Variants in PSMA1 observed in about 807,000 individuals in gnomAD.
PSMA1 encodes proteasome 20S subunit alpha 1, also known as proteasome subunit alpha type-1.
A neutral mutation model predicts 38.4 loss-of-function variants in PSMA1; 3 were observed. That is an observed-to-expected ratio of 0.08 (90% CI 0.04 to 0.20). The LOEUF (loss-of-function observed/expected upper bound fraction) is 0.20. PSMA1 is among the 10% of genes least tolerant of loss of function. PSMA1 has a pLI of 1.00. For synonymous variants in PSMA1, 101 were observed against 107.1 expected, an observed-to-expected ratio of 0.94 and a Z score of 0.35; for missense variants, 227 against 325.3, an observed-to-expected ratio of 0.70 and a Z score of 2.32.
chr11:14,572,230 C>A (rs548169408), intron 2 of PSMA1, among the ~76,000 whole-genome samples: 1 of 152,188 alleles, frequency 6.6e-6, no homozygotes, highest in Admixed American at 6.5e-5. Flanking sequence ...GGCACCACAT[C>A]GCACTTATTT....
chr11:14,585,066 A>G (rs375998711), intron 2 of PSMA1, among the ~76,000 whole-genome samples: 198 of 152,280 alleles, frequency 1.3e-3, no homozygotes, highest in South Asian at 6.2e-3. Context: ...ATAGAAATCC[A>G]TTTTCTGGGA....
chr11:14,638,574 TATATATATATA>T lies in PSMA1; in HGVS notation c.-166+4870_-166+4880del, dbSNP rs1281590632. Among the ~76,000 whole-genome samples the T allele has an allele frequency of 2.5e-3, 60 of 24,426 alleles. 3 individuals are homozygous for T. Among genetic ancestry groups the T allele is most frequent in the Non-Finnish European group, 2.7e-3 (35 of 12,752 alleles). The allele number at this position is 24,426 out of a possible 152,430, so 16.0% of individuals were successfully genotyped here. On this transcript the variant is annotated intron_variant, in intron 1 of 10. Transcript: ENST00000418988. ...ATATATATATATATATATATATATA[TATATATATATA>T]TTTTTTTTTTTTTTTTTTTTTTTTT...
chr11:14,524,579 C>T (rs1589982752), upstream of PSMA1, among the ~76,000 whole-genome samples: 1 of 152,154 alleles, frequency 6.6e-6, no homozygotes, highest in Non-Finnish European at 1.5e-5. Flanking sequence ...GATAATCCAC[C>T]ACCCGTTGCT....
At chr11:14,597,791 C>A (rs962234566) in intron 2 of PSMA1, among the ~76,000 whole-genome samples, 2 of 152,166 alleles carry the variant, frequency 1.3e-5, no homozygotes, top group African/African-American at 4.8e-5. Context: ...CTTCTGCTAG[C>A]TTTTGAATGT....
chr11:14,589,865 A>T (rs1360121548), intron 2 of PSMA1, among the ~76,000 whole-genome samples: 5 of 152,162 alleles, frequency 3.3e-5, no homozygotes, highest in African/African-American at 1.2e-4. Flanking sequence ...TGTACACTCG[A>T]TTAGGAGGGA....
intron 2 of PSMA1, among the ~76,000 whole-genome samples, chr11:14,554,099 T>C (rs1373251501): frequency 6.6e-6 from 1 of 152,210 alleles, no homozygotes; most frequent in Non-Finnish European, 1.5e-5. Context: ...GCCATTTGTA[T>C]ATCCTCTTTG....
intron 2 of PSMA1, among the ~76,000 whole-genome samples, chr11:14,580,745 C>T (rs1852272567): frequency 6.6e-6 from 1 of 152,106 alleles, no homozygotes; most frequent in Non-Finnish European, 1.5e-5. Context: ...AGACTGGAGC[C>T]ATAGGCAGAG....
At chr11:14,585,617 A>G (rs1351471720) in intron 2 of PSMA1, among the ~76,000 whole-genome samples, 2 of 152,320 alleles carry the variant, frequency 1.3e-5, no homozygotes, top group Admixed American at 6.5e-5. Flanking sequence ...CCATTCCGAC[A>G]CAGAAAGCAC....
intron 1 of PSMA1, among the ~76,000 whole-genome samples, chr11:14,622,866 G>A (rs1440308800): frequency 6.6e-6 from 1 of 152,172 alleles, no homozygotes; most frequent in Non-Finnish European, 1.5e-5. Context: ...AAGTATCATT[G>A]GGAGAATAAC....
chr11:14,504,952 A>T lies in PSMA1; in HGVS notation c.*240T>A. 2.1e-6 allele frequency: 1 copy of T among 465,262 alleles called. No homozygotes were observed. The highest frequency in any genetic ancestry group is 3.5e-5 in the South Asian group (1 of 28,250). 28.8% of individuals were successfully genotyped at this position (465,262 alleles called of 1,614,324 possible). A position where few individuals can be genotyped will look rare whatever the true frequency, so the allele number is the denominator to read the frequency against. ...ACACCTATGTTCTTCATATAAAAAC[A>T]TTAGTATAGATACCCATACTTTCTA... On this transcript the variant is annotated 3_prime_UTR_variant, in exon 10 of 10. Coordinates refer to ENST00000396394, the MANE Select transcript of PSMA1 (RefSeq NM_002786.4).
At chr11:14,558,560 G>T (rs1436853182) in intron 2 of PSMA1, among the ~76,000 whole-genome samples, 1 of 152,244 alleles carries the variant, frequency 6.6e-6, no homozygotes, top group Non-Finnish European at 1.5e-5. Flanking sequence ...GCTATTCCCT[G>T]AGGGAGAAGC....
chr11:14,531,999 T>C (rs571043606), intron 2 of PSMA1, among the ~76,000 whole-genome samples: 1 of 152,304 alleles, frequency 6.6e-6, no homozygotes, highest in East Asian at 1.9e-4. Context: ...ACATTCTGAT[T>C]ATACTCTCTT....
At chr11:14,639,800 A>ATCTTTTCTACTTACTTTACTT (rs1853174657) in intron 1 of PSMA1, among the ~76,000 whole-genome samples, 1 of 152,126 alleles carries the variant, frequency 6.6e-6, no homozygotes, top group Admixed American at 6.5e-5. Flanking sequence ...TTACTTAGGT[A>ATCTTTTCTACTTACTTTACTT]ACTTATATTC....
intron 2 of PSMA1, among the ~76,000 whole-genome samples, chr11:14,598,944 C>CA (rs1436857322): frequency 1.3e-5 from 2 of 151,918 alleles, no homozygotes; most frequent in Non-Finnish European, 2.9e-5. Flanking sequence ...TCAGTGGTGA[C>CA]AAAATCTCTC....
intron 2 of PSMA1, among the ~76,000 whole-genome samples, chr11:14,608,356 T>C (rs1441348787): frequency 1.3e-5 from 2 of 151,308 alleles, no homozygotes; most frequent in Non-Finnish European, 2.9e-5. Flanking sequence ...CTCTATTATA[T>C]ATATATATAT....
chr11:14,606,348 T>C (rs138148799), intron 2 of PSMA1, among the ~76,000 whole-genome samples: 4 of 151,144 alleles, frequency 2.6e-5, no homozygotes, highest in African/African-American at 9.7e-5. Flanking sequence ...CCCAGGGAGG[T>C]CAAGGCTGCA....
chr11:14,584,057 G>A (rs892769269), intron 2 of PSMA1, among the ~76,000 whole-genome samples: 9 of 152,190 alleles, frequency 5.9e-5, no homozygotes, highest in Non-Finnish European at 1.3e-4. Flanking sequence ...AGTCCATAAA[G>A]TCCTTCTTTG....
At chr11:14,632,584 T>G (rs971312999) in intron 1 of PSMA1, among the ~76,000 whole-genome samples, 2 of 151,160 alleles carry the variant, frequency 1.3e-5, no homozygotes, top group Non-Finnish European at 2.9e-5. Context: ...ACCTTTCTCT[T>G]TGGCTGCCCT....
chr11:14,619,139 A>C (rs1399690010), intron 1 of PSMA1, among the ~76,000 whole-genome samples: 1 of 152,168 alleles, frequency 6.6e-6, no homozygotes, highest in Non-Finnish European at 1.5e-5. Flanking sequence ...TAATCAACAA[A>C]AATATGATTT....
Sources: gnomAD v4.1 joint callset for allele counts (sites outside exome capture counted in the v4.1 genomes callset) on GRCh38, gnomAD v4.1.1 for gene constraint, MANE v1.5 for transcripts, NCBI Gene and HGNC (gene_info 2026-07-23, HGNC 2026-07-21) for gene names.